The following LUZP2 variants were observed in gnomAD, a reference collection of about 807,000 sequenced individuals.
The protein encoded by LUZP2 is leucine zipper protein 2.
In LUZP2, 52 loss-of-function variants were observed where a neutral mutation model predicts 51.6. The ratio of observed to expected loss-of-function variants is 1.01; its 90% CI spans 0.81 to 1.27. LUZP2 has a LOEUF of 1.27. Ranked by LOEUF, LUZP2 falls within the 50% of genes most tolerant of loss-of-function variation. LUZP2 has a pLI of 0.00. For synonymous variants in LUZP2, 154 were observed against 137.3 expected (o/e 1.12, Z -0.85); for missense variants, 436 against 395.4 (o/e 1.10, Z -0.87).
intron 1 of LUZP2, among the ~76,000 whole-genome samples, chr11:24,633,960 G>T (rs61875688): frequency 7.4e-6 from 1 of 135,636 alleles, no homozygotes. Flanking sequence ...GTGTGTGTGT[G>T]TGTGTATATA....
intron 1 of LUZP2, among the ~76,000 whole-genome samples, chr11:24,564,302 A>T (rs374196792): frequency 3.3e-5 from 5 of 152,074 alleles, no homozygotes; most frequent in African/African-American, 1.2e-4. Context: ...GTACTGCATG[A>T]CCTCTGGTGA....
intron 5 of LUZP2, among the ~76,000 whole-genome samples, chr11:24,896,129 G>A (rs1394963626): frequency 6.6e-6 from 1 of 152,210 alleles, no homozygotes; most frequent in Non-Finnish European, 1.5e-5. Flanking sequence ...AGATGACAAC[G>A]TGCTAGCAGC....
intron 5 of LUZP2, among the ~76,000 whole-genome samples, chr11:24,893,964 T>C (rs990525164): frequency 1.3e-5 from 2 of 152,180 alleles, no homozygotes; most frequent in Non-Finnish European, 2.9e-5. Context: ...ATTTTGATTG[T>C]ACATTCTGTG....
Position 24,605,486 on chromosome 11 carries a change from A to C in LUZP2, c.62+108181A>C, listed in dbSNP as rs183007122. ...AAATGTGACAATAAAGTTATATAAT[A>C]AAATGAATATATCTCAATATTTTAT... On this transcript the variant is annotated intron_variant, in intron 1 of 11. Coordinates refer to ENST00000336930, the MANE Select transcript of LUZP2 (RefSeq NM_001009909.4). 7.4e-4 allele frequency among the ~76,000 whole-genome samples: 113 copies of C among 151,906 alleles called. 1 individual carries two copies. Among genetic ancestry groups the C allele is most frequent in the Admixed American group, 6.3e-3 (96 of 15,242 alleles).
intron 5 of LUZP2, among the ~76,000 whole-genome samples, chr11:24,855,461 T>C (rs906006316): frequency 1.3e-5 from 2 of 152,148 alleles, no homozygotes; most frequent in African/African-American, 4.8e-5. Context: ...TGAGAGAAAT[T>C]GTAGATTATG....
intron 7 of LUZP2, among the ~76,000 whole-genome samples, chr11:24,949,288 TTATCTATC>T (rs201078923): frequency 0.039 from 5,489 of 141,234 alleles, 240 homozygotes; most frequent in African/African-American, 0.11. Flanking sequence ...ATTATCTAGA[TTATCTATC>T]TATCTATCTA....
chr11:24,898,265 A>T (rs942330288), intron 5 of LUZP2, among the ~76,000 whole-genome samples: 2 of 152,166 alleles, frequency 1.3e-5, no homozygotes, highest in African/African-American at 4.8e-5. Context: ...AAATCAGGTA[A>T]GTATGTCAGA....
intron 5 of LUZP2, among the ~76,000 whole-genome samples, chr11:24,769,806 G>A (rs1332355734): frequency 1.4e-5 from 2 of 139,030 alleles, no homozygotes; most frequent in African/African-American, 6.1e-5. Context: ...TGTTTGTTTT[G>A]TTTTGAGACA....
chr11:24,999,402 G>A (rs1341128505), intron 9 of LUZP2, among the ~76,000 whole-genome samples: 40 of 122,924 alleles, frequency 3.3e-4, no homozygotes, highest in Non-Finnish European at 3.6e-5. Flanking sequence ...TGGGGAGGAG[G>A]AGGAAGGAGA....
chr11:24,565,738 G>A (rs995876498), intron 1 of LUZP2, among the ~76,000 whole-genome samples: 2 of 152,046 alleles, frequency 1.3e-5, no homozygotes, highest in African/African-American at 4.8e-5. Flanking sequence ...AGTGCCAACA[G>A]CAAGATAATA....
intron 7 of LUZP2, among the ~76,000 whole-genome samples, chr11:24,940,072 G>A (rs991357472): frequency 6.6e-6 from 1 of 151,374 alleles, no homozygotes; most frequent in African/African-American, 2.4e-5. Flanking sequence ...TTGACTGTAT[G>A]GTGAATATAG....
intron 1 of LUZP2, among the ~76,000 whole-genome samples, chr11:24,628,718 C>T (rs1485974570): frequency 6.6e-6 from 1 of 152,066 alleles, no homozygotes; most frequent in Non-Finnish European, 1.5e-5. Flanking sequence ...AACACCATGC[C>T]TAGCTAATTA....
chr11:24,525,819 A>G (rs1850782315), intron 1 of LUZP2, among the ~76,000 whole-genome samples: 1 of 151,426 alleles, frequency 6.6e-6, no homozygotes, highest in Non-Finnish European at 1.5e-5. Flanking sequence ...TTTCTGTGAC[A>G]TACATTAGTT....
At chr11:24,523,571 A>G (rs1041800328) in intron 1 of LUZP2, among the ~76,000 whole-genome samples, 4 of 150,714 alleles carry the variant, frequency 2.7e-5, no homozygotes, top group African/African-American at 9.7e-5. Context: ...AGATAAATAT[A>G]TACATTGGTA....
intron 7 of LUZP2, among the ~76,000 whole-genome samples, chr11:24,928,560 T>A (rs954655705): frequency 2.6e-5 from 4 of 152,102 alleles, no homozygotes; most frequent in African/African-American, 9.7e-5. Flanking sequence ...AAACCATCCC[T>A]GCATCCCTGG....
intron 5 of LUZP2, among the ~76,000 whole-genome samples, chr11:24,894,691 G>A (rs367925995): frequency 9.6e-6 from 1 of 103,912 alleles, no homozygotes; most frequent in Non-Finnish European, 2.0e-5. Context: ...TCTTATACAC[G>A]ACAACGTGTC....
intron 1 of LUZP2, among the ~76,000 whole-genome samples, chr11:24,637,498 G>C (rs1855145077): frequency 6.6e-6 from 1 of 151,804 alleles, no homozygotes. Context: ...TGTGGGGTCG[G>C]GCAGAATAGA....
At chr11:24,920,045 T>C (rs1052386828) in intron 7 of LUZP2, among the ~76,000 whole-genome samples, 1 of 151,842 alleles carries the variant, frequency 6.6e-6, no homozygotes, top group Non-Finnish European at 1.5e-5. Flanking sequence ...AATTTTATTA[T>C]TGGATGGTTT....
rs150262942 is a variant in LUZP2, at chr11:25,075,631, T to G, written c.859-1698T>G. Among the ~76,000 whole-genome samples the G allele has an allele frequency of 5.4e-3, 817 of 152,210 alleles. 9 individuals carry two copies. Among genetic ancestry groups the G allele is most frequent in the African/African-American group, 0.019 (777 of 41,518 alleles). On this transcript the variant is annotated intron_variant, in intron 10 of 11. Coordinates refer to ENST00000336930, the MANE Select transcript of LUZP2 (RefSeq NM_001009909.4). Reference sequence around the variant, plus strand: ...TGTTATAAGCATTACCTTTAGAGCATGGAAGGATGACTGAGTCTGTCTAGT... The same window carrying G: ...TGTTATAAGCATTACCTTTAGAGCAGGGAAGGATGACTGAGTCTGTCTAGT...
Sources: allele counts gnomAD v4.1 joint callset (sites outside exome capture counted in the v4.1 genomes callset), GRCh38; gene constraint gnomAD v4.1.1; transcripts MANE v1.5; gene names NCBI Gene and HGNC (gene_info 2026-07-23, HGNC 2026-07-21).